The following HADH variants were observed in gnomAD, a reference collection of about 807,000 sequenced individuals.
The protein encoded by HADH is hydroxyacyl-CoA dehydrogenase, also known as hydroxyacyl-coenzyme A dehydrogenase, mitochondrial.
A neutral mutation model predicts 32.2 loss-of-function variants in HADH; 24 were observed. That is an observed-to-expected ratio of 0.75 (90% CI 0.54 to 1.05). HADH has a LOEUF of 1.05. Ranked by LOEUF, HADH falls within the 50% of genes least tolerant of loss-of-function variation. HADH has a pLI of 0.00. For synonymous variants in HADH, 139 were observed against 152.5 expected, an observed-to-expected ratio of 0.91 and a Z score of 0.65; for missense variants, 350 against 397.1, an observed-to-expected ratio of 0.88 and a Z score of 1.01.
At chr4:108,018,461 A>T (rs1337122664) in intron 3 of HADH, among the ~76,000 whole-genome samples, 1 of 152,208 alleles carries the variant, frequency 6.6e-6, no homozygotes, top group Non-Finnish European at 1.5e-5. Context: ...CCTGGCATTT[A>T]AATGGCCTAC....
At chr4:108,024,629 A>T (rs1392054976) in intron 5 of HADH, 1 of 152,156 alleles carries the variant, frequency 6.6e-6, no homozygotes, top group Non-Finnish European at 1.5e-5. Flanking sequence ...TTGGTTCTGT[A>T]GTTTTAAGTC....
At chr4:108,008,853 G>A (rs761026236) in intron 1 of HADH, among the ~76,000 whole-genome samples, 9 of 152,088 alleles carry the variant, frequency 5.9e-5, no homozygotes, top group Non-Finnish European at 1.0e-4. Flanking sequence ...TAAGGTGATC[G>A]AGGTGACCCA....
chr4:108,003,124 T>G (rs906852494), intron 1 of HADH, among the ~76,000 whole-genome samples: 2 of 149,596 alleles, frequency 1.3e-5, no homozygotes, highest in Non-Finnish European at 3.0e-5. Flanking sequence ...TTTTTTTTTT[T>G]GCTGCTATTA....
At chr4:108,005,666 G>T (rs1437488680) in intron 1 of HADH, among the ~76,000 whole-genome samples, 3 of 152,162 alleles carry the variant, frequency 2.0e-5, no homozygotes, top group Non-Finnish European at 1.5e-5. Flanking sequence ...CATAACTAAA[G>T]TGATGCTTCA....
At chr4:108,028,915 G>A (rs1029790980) in intron 6 of HADH, 2 of 398,606 alleles carry the variant, frequency 5.0e-6, no homozygotes, top group Non-Finnish European at 8.8e-6. Flanking sequence ...TTCTGCATAG[G>A]TGCATGCCCT....
chr4:108,002,309 G>A (rs1735142675), intron 1 of HADH, among the ~76,000 whole-genome samples: 1 of 152,166 alleles, frequency 6.6e-6, no homozygotes, highest in African/African-American at 2.4e-5. Context: ...TGGATCAAGA[G>A]TTGCATTAGA....
chr4:108,003,284 C>T (rs1348133174), intron 1 of HADH, among the ~76,000 whole-genome samples: 1 of 152,140 alleles, frequency 6.6e-6, no homozygotes, highest in African/African-American at 2.4e-5. Context: ...AGGCTGTCTG[C>T]ACATGGCAGA....
At chr4:107,992,583 G>A (rs771939215) in intron 1 of HADH, among the ~76,000 whole-genome samples, 2 of 152,124 alleles carry the variant, frequency 1.3e-5, no homozygotes, top group South Asian at 4.1e-4. Flanking sequence ...ATAAGAAGTT[G>A]GATGGTCTGC....
At chr4:107,999,502 A>G (rs1221741177) in intron 1 of HADH, among the ~76,000 whole-genome samples, 2 of 152,148 alleles carry the variant, frequency 1.3e-5, no homozygotes, top group African/African-American at 4.8e-5. Flanking sequence ...ATCCTTTTCA[A>G]ACTAATAACG....
chr4:108,008,070 A>T (rs1215724493), intron 1 of HADH, among the ~76,000 whole-genome samples: 1 of 152,224 alleles, frequency 6.6e-6, no homozygotes, highest in East Asian at 1.9e-4. Context: ...TGTGACCTGC[A>T]TCACTGACTT....
chr4:108,002,957 A>G (rs1735165946), intron 1 of HADH, among the ~76,000 whole-genome samples: 1 of 152,234 alleles, frequency 6.6e-6, no homozygotes, highest in South Asian at 2.1e-4. Flanking sequence ...CATGTTAAAC[A>G]CATTAACTTC....
chr4:108,023,782 C>A lies in HADH; in HGVS notation c.636+219C>A. 1 of 549,234 alleles carries A rather than the reference C, an allele frequency of 1.8e-6. No homozygotes were observed. The highest frequency in any genetic ancestry group is 3.3e-6 in the Non-Finnish European group (1 of 301,628). The allele number at this position is 549,234 out of a possible 1,614,324, so 34.0% of individuals were successfully genotyped here. On this transcript the variant is annotated intron_variant, in intron 5 of 7. Coordinates refer to ENST00000309522, the MANE Select transcript of HADH (RefSeq NM_005327.7). ...TGCCTAAGGCCATTATGTGGATAGT[C>A]TGAGACCTGAATGGAGCTCAGGACA...
Position 108,019,557 on chromosome 4 carries a change from G to C in HADH, c.437G>C (p.Ser146Thr). The C allele has an allele frequency of 6.2e-7, 1 of 1,613,792 alleles. No homozygotes were observed. Among genetic ancestry groups the C allele is most frequent in the Non-Finnish European group, 8.5e-7 (1 of 1,179,682 alleles). Residue 146 changes from serine (S) to threonine (T), a missense_variant, in exon 4 of 8, where the codon AGC (serine) becomes ACC (threonine). Coordinates refer to ENST00000309522, the MANE Select transcript of HADH (RefSeq NM_005327.7). The part of the protein sequence containing the change: ...KFAAEHTIFA[S>T]NTSSLQITSI... ...CTTCACAGACATACAATCTTTGCCA[G>C]CAACACTTCCTCCTTGCAGATTACA...
chr4:108,003,841 G>A (rs565684606), intron 1 of HADH, among the ~76,000 whole-genome samples: 24 of 150,176 alleles, frequency 1.6e-4, no homozygotes, highest in Non-Finnish European at 3.0e-4. Flanking sequence ...AAAAAAACCC[G>A]CAAGCTATTG....
chr4:108,018,703 T>C lies in HADH; in HGVS notation c.420-837T>C, dbSNP rs567101797. On this transcript the variant is annotated intron_variant, in intron 3 of 7. Transcript: ENST00000309522. ...GCCTGGTCAGTAAGGGATCCTTTCC[T>C]TTCCTGCCCTGTTACAGTCCATCTT... Among the ~76,000 whole-genome samples, 7 of 152,026 alleles carry C rather than the reference T, an allele frequency of 4.6e-5. No individual in the cohort carries two copies. In the East Asian group the frequency reaches 1.4e-3, roughly 30 times the overall value.
chr4:108,000,463 C>A (rs1249488625), intron 1 of HADH, among the ~76,000 whole-genome samples: 1 of 152,100 alleles, frequency 6.6e-6, no homozygotes, highest in Non-Finnish European at 1.5e-5. Flanking sequence ...AGTCTATAAC[C>A]AGTTAAGTTT....
chr4:108,002,163 C>A (rs548805251), intron 1 of HADH, among the ~76,000 whole-genome samples: 78 of 152,282 alleles, frequency 5.1e-4, no homozygotes, highest in African/African-American at 1.8e-3. Context: ...CCCTCCAGAG[C>A]AGGGGTCCCC....
chr4:107,992,580 G>T (rs1734845927), intron 1 of HADH, among the ~76,000 whole-genome samples: 1 of 152,212 alleles, frequency 6.6e-6, no homozygotes, highest in South Asian at 2.1e-4. Context: ...AATATAAGAA[G>T]TTGGATGGTC....
chr4:108,027,947 G>T (rs573737087), intron 6 of HADH, 187 bp downstream of exon 6: 3 of 636,694 alleles, frequency 4.7e-6, no homozygotes, highest in Non-Finnish European at 8.5e-6. Flanking sequence ...AGGGCCTCCT[G>T]GCTTCCCTGT....
Sources: allele counts gnomAD v4.1 joint callset (sites outside exome capture counted in the v4.1 genomes callset), GRCh38; gene constraint gnomAD v4.1.1; transcripts MANE v1.5; gene names NCBI Gene and HGNC (gene_info 2026-07-23, HGNC 2026-07-21).